The following RMDN1 variants were observed in gnomAD, a reference collection of about 807,000 sequenced individuals.
The protein encoded by RMDN1 is regulator of microtubule dynamics 1, also known as regulator of microtubule dynamics protein 1.
A neutral mutation model predicts 48.9 loss-of-function variants in RMDN1; 48 were observed. That is an observed-to-expected ratio of 0.98 (90% CI 0.78 to 1.25). The LOEUF (loss-of-function observed/expected upper bound fraction) is 1.25. Among genes scored for constraint, RMDN1 ranks in the 50% most tolerant of loss-of-function variants. RMDN1 has a pLI of 0.00. For missense variants in RMDN1, 418 were observed against 373.4 expected (o/e 1.12, Z -0.98); for synonymous variants, 148 against 132.6 (o/e 1.12, Z -0.80).
At chr8:86,481,379 A>C (rs933786369) in intron 5 of RMDN1, among the ~76,000 whole-genome samples, 2 of 152,162 alleles carry the variant, frequency 1.3e-5, no homozygotes, top group African/African-American at 2.4e-5. Flanking sequence ...TGCTCTAAGC[A>C]ACCTTTCTCA....
chr8:86,496,023 C>T (rs766937554), intron 2 of RMDN1, among the ~76,000 whole-genome samples: 2 of 152,084 alleles, frequency 1.3e-5, no homozygotes, highest in African/African-American at 4.8e-5. Flanking sequence ...AAAAAAAATT[C>T]CAACCAAGAA....
intron 2 of RMDN1, among the ~76,000 whole-genome samples, chr8:86,492,204 A>C (rs1383704920): frequency 6.6e-6 from 1 of 152,202 alleles, no homozygotes; most frequent in East Asian, 1.9e-4. Context: ...AGAAATTTTA[A>C]AAAACACACA....
At chr8:86,501,715 A>C (rs1818261733) in intron 2 of RMDN1, among the ~76,000 whole-genome samples, 1 of 151,824 alleles carries the variant, frequency 6.6e-6, no homozygotes, top group Non-Finnish European at 1.5e-5. Flanking sequence ...TTGACTTTCA[A>C]GTTTAACTCT....
chr8:86,503,092 G>A (rs900700083), intron 2 of RMDN1, among the ~76,000 whole-genome samples: 3 of 152,034 alleles, frequency 2.0e-5, no homozygotes, highest in African/African-American at 4.8e-5. Context: ...GGTGGCTCAC[G>A]CCTGTAATCC....
chr8:86,468,649 G>A (rs569590871), downstream of RMDN1: 2 of 455,562 alleles, frequency 4.4e-6, no homozygotes, highest in Non-Finnish European at 8.8e-6. Flanking sequence ...TTCGTTTTCA[G>A]GGTGCTGGTC....
downstream of RMDN1, chr8:86,468,546 C>G (rs1812292831): frequency 9.5e-6 from 4 of 420,722 alleles, no homozygotes; most frequent in Non-Finnish European, 1.4e-5. Context: ...AATGGTACCA[C>G]TGCTGTATAA....
chr8:86,472,268 T>G, downstream of RMDN1: 4 of 606,088 alleles, frequency 6.6e-6, no homozygotes, highest in South Asian at 4.1e-5. Context: ...TGCTCCATAA[T>G]TCAAAACTTT....
chr8:86,511,369 G>C (rs1820038269), upstream of RMDN1, among the ~76,000 whole-genome samples: 1 of 151,920 alleles, frequency 6.6e-6, no homozygotes, highest in African/African-American at 2.4e-5. Context: ...AGCTACTCAG[G>C]AGGCTGAGTC....
chr8:86,480,320 G>T lies in RMDN1; in HGVS notation c.598C>A (p.Leu200Met). Residue 200 changes from leucine (L) to methionine (M), a missense_variant, in exon 6 of 10, where the codon CTG (leucine) becomes ATG (methionine). Physicochemically the swap from Leu to Met is conservative, Grantham distance 15 (BLOSUM62 2). Transcript: ENST00000406452. ...IKEHFEKAIE[L>M]NPKDATSIHL... ...ATTGAAGTAGCATCTTTAGGGTTCAGTTCAATTGCTTTCTAACAAGAAATG... is the reference window on the plus strand; with the variant it reads ...ATTGAAGTAGCATCTTTAGGGTTCATTTCAATTGCTTTCTAACAAGAAATG... The T allele has an allele frequency of 6.5e-7, 1 of 1,533,548 alleles. No individual in the cohort carries two copies. Among genetic ancestry groups the T allele is most frequent in the Non-Finnish European group, 8.9e-7 (1 of 1,126,874 alleles). 95.0% of individuals were successfully genotyped at this position (1,533,548 alleles called of 1,614,324 possible).
At chr8:86,481,318 A>C (rs931643679) in intron 5 of RMDN1, among the ~76,000 whole-genome samples, 3 of 152,162 alleles carry the variant, frequency 2.0e-5, no homozygotes, top group Non-Finnish European at 2.9e-5. Flanking sequence ...TTAACTCATA[A>C]GGTTGTGGTA....
intron 3 of RMDN1, among the ~76,000 whole-genome samples, chr8:86,487,787 C>G (rs1013962058): frequency 2.6e-5 from 4 of 151,880 alleles, no homozygotes; most frequent in African/African-American, 4.8e-5. Flanking sequence ...AATAAAATGC[C>G]AAACCAGCCA....
At chr8:86,489,690 C>T (rs1816147359) in intron 2 of RMDN1, among the ~76,000 whole-genome samples, 7 of 151,878 alleles carry the variant, frequency 4.6e-5, no homozygotes, top group South Asian at 4.1e-4. Context: ...ATTAGCTGGG[C>T]GTGATGGCGT....
chr8:86,495,668 C>A (rs1364245345), intron 2 of RMDN1, among the ~76,000 whole-genome samples: 2 of 152,190 alleles, frequency 1.3e-5, no homozygotes, highest in African/African-American at 4.8e-5. Flanking sequence ...TGGTGAAACA[C>A]TTGCCAGTGG....
Position 86,472,736 on chromosome 8 carries a change from T to A in RMDN1, c.*1572A>T. 2.4e-6 allele frequency: 1 copy of A among 420,808 alleles called. No homozygotes were observed. The highest frequency in any genetic ancestry group is 5.3e-5 in the South Asian group (1 of 18,832). 26.1% of individuals were successfully genotyped at this position (420,808 alleles called of 1,614,324 possible). On this transcript the variant is annotated 3_prime_UTR_variant, in exon 10 of 10. Coordinates refer to ENST00000406452, the MANE Select transcript of RMDN1 (RefSeq NM_016033.3). ...TTAAGTACTTATGCATGAATAAGTA[T>A]AAGAAAATAACTGCTTATTGGTAGC...
At position 86,473,829 on chromosome 8, in the gene RMDN1, C is replaced by T. The variant is rs1172381268; in HGVS notation, c.*479G>A. 1.0e-4 allele frequency: 100 copies of T among 985,458 alleles called. No homozygotes were observed. Among genetic ancestry groups the T allele is most frequent in the Admixed American group, 3.1e-4 (5 of 16,324 alleles). The allele number at this position is 985,458 out of a possible 1,614,324, so 61.0% of individuals were successfully genotyped here. ...CTCCTTACTTAGTTCTTTACTTACA[C>T]AGGTTAGCTCCAAGATATATCATTT... On this transcript the variant is annotated 3_prime_UTR_variant, in exon 10 of 10. Transcript: ENST00000406452.
At chr8:86,500,516 C>CA (rs1030146695) in intron 2 of RMDN1, among the ~76,000 whole-genome samples, 67 of 135,958 alleles carry the variant, frequency 4.9e-4, no homozygotes, top group African/African-American at 1.5e-3. Flanking sequence ...CTTAAAATTT[C>CA]AAAAAAAAAT....
At chr8:86,492,704 C>T (rs971446073) in intron 2 of RMDN1, among the ~76,000 whole-genome samples, 4 of 150,750 alleles carry the variant, frequency 2.7e-5, no homozygotes, top group African/African-American at 4.9e-5. Context: ...GATAATGAAA[C>T]GTTCCCACAG....
upstream of RMDN1, among the ~76,000 whole-genome samples, chr8:86,512,701 C>T (rs1180492289): frequency 1.4e-5 from 2 of 147,072 alleles, no homozygotes; most frequent in East Asian, 4.2e-4. Flanking sequence ...CTGTCTTGCT[C>T]ACAAGTCTAG....
intron 2 of RMDN1, chr8:86,504,438 C>A (rs1818931667): frequency 1.3e-5 from 20 of 1,559,648 alleles, no homozygotes; most frequent in Non-Finnish European, 1.7e-5. Flanking sequence ...TCTCTGGAAT[C>A]AATGTTGTGT....
Sources: gnomAD v4.1 joint callset for allele counts (sites outside exome capture counted in the v4.1 genomes callset) on GRCh38, gnomAD v4.1.1 for gene constraint, MANE v1.5 for transcripts, NCBI Gene and HGNC (gene_info 2026-07-23, HGNC 2026-07-21) for gene names.